The following PKNOX2 variants were observed in gnomAD, a reference collection of about 807,000 sequenced individuals.
PKNOX2 encodes the protein PBX/knotted 1 homeobox 2.
In PKNOX2, 14 loss-of-function variants were observed where a neutral mutation model predicts 53.1. The observed-to-expected ratio is 0.26, with a 90% CI of 0.17 to 0.41. The LOEUF is 0.41. PKNOX2 is among the 10% of genes least tolerant of loss of function. The probability of loss-of-function intolerance (pLI) is 1.00; values close to 1 mark genes in which losing one functional copy is unlikely to be tolerated. For synonymous variants in PKNOX2, 257 were observed against 242.8 expected, an observed-to-expected ratio of 1.06 and a Z score of -0.54; for missense variants, 496 against 602.8, an observed-to-expected ratio of 0.82 and a Z score of 1.85.
At chr11:125,367,501 C>T (rs540591781) in intron 4 of PKNOX2, among the ~76,000 whole-genome samples, 2 of 152,170 alleles carry the variant, frequency 1.3e-5, no homozygotes, top group Non-Finnish European at 2.9e-5. Context: ...ATGGGCCAAA[C>T]GACTCATAAG....
chr11:125,341,709 G>A (rs1591534637), intron 3 of PKNOX2, among the ~76,000 whole-genome samples: 3 of 152,386 alleles, frequency 2.0e-5, no homozygotes, highest in African/African-American at 4.8e-5. Flanking sequence ...TGAAGGGAAC[G>A]GCATGGCTGT....
chr11:125,411,608 A>T (rs1159919771), intron 9 of PKNOX2, 138 bp from the exon 10 acceptor site: 2 of 1,386,308 alleles, frequency 1.4e-6, no homozygotes, highest in South Asian at 2.4e-5. Context: ...GCTGAGAGGG[A>T]AAGGTGACCT....
rs964527804 is a variant in PKNOX2, at chr11:125,269,986, G to A, written c.-130+34871G>A. Among the ~76,000 whole-genome samples, 6 of 152,260 alleles carry A rather than the reference G, an allele frequency of 3.9e-5. No individual in the cohort carries two copies. The East Asian group carries it at 1.2e-3, about 29-fold the overall frequency. ...TTGTGGGCACTGGAGATACAACAGT[G>A]ACTAAGACAAGGAATGAAGATGAAA... On this transcript the variant is annotated intron_variant, in intron 2 of 12. Coordinates refer to ENST00000298282, the MANE Select transcript of PKNOX2 (RefSeq NM_001382323.2).
In PKNOX2 at chr11:125,240,477, G is replaced by T. The variant is rs567825683; in HGVS notation, c.-130+5362G>T. ...TGGGAAGGAGGGATGGGAGGGAGGA[G>T]AGAGAAGAGGTGGAAAGGGAGAGAG... On this transcript the variant is annotated intron_variant, in intron 2 of 12. Coordinates refer to ENST00000298282, the MANE Select transcript of PKNOX2 (RefSeq NM_001382323.2). This position sits in a 1 kb window ranked among gnomAD's most constrained non-coding sequence, Gnocchi z 4.3. Among the ~76,000 whole-genome samples, 1 of 152,242 alleles carries T rather than the reference G, an allele frequency of 6.6e-6. No individual in the cohort carries two copies. The highest frequency in any genetic ancestry group is 6.5e-5 in the Admixed American group (1 of 15,294).
At chr11:125,320,266 CA>C (rs1949445006) in intron 2 of PKNOX2, among the ~76,000 whole-genome samples, 1 of 152,152 alleles carries the variant, frequency 6.6e-6, no homozygotes, top group East Asian at 1.9e-4. Flanking sequence ...CTTGAATTAG[CA>C]CCCCTCCTTT....
chr11:125,240,624 G>A lies in PKNOX2; in HGVS notation c.-130+5509G>A, dbSNP rs978772612. ...AAATGCAGTTCTAAATCCTTGTCCAGCCTGAAAGGATTTCCCTCTTTTTTC... is the reference window on the plus strand; with the variant it reads ...AAATGCAGTTCTAAATCCTTGTCCAACCTGAAAGGATTTCCCTCTTTTTTC... On this transcript the variant is annotated intron_variant, in intron 2 of 12. Coordinates refer to ENST00000298282, the MANE Select transcript of PKNOX2 (RefSeq NM_001382323.2). This position sits in a 1 kb window ranked among gnomAD's most constrained non-coding sequence, Gnocchi z 4.3. Among the ~76,000 whole-genome samples the A allele has an allele frequency of 6.6e-6, 1 of 152,152 alleles. No individual in the cohort carries two copies. Among genetic ancestry groups the A allele is most frequent in the African/African-American group, 2.4e-5 (1 of 41,434 alleles).
At chr11:125,252,583 G>C (rs1363928958) in intron 2 of PKNOX2, among the ~76,000 whole-genome samples, 1 of 152,146 alleles carries the variant, frequency 6.6e-6, no homozygotes, top group Non-Finnish European at 1.5e-5. Flanking sequence ...GGGAGTGGTG[G>C]GAGGTAGAGG....
At chr11:125,202,327 T>C (rs1485903629) in intron 1 of PKNOX2, among the ~76,000 whole-genome samples, 1 of 152,156 alleles carries the variant, frequency 6.6e-6, no homozygotes. Context: ...CAAGGGGCCT[T>C]ATCCCTGATG....
rs915997583 is a variant in PKNOX2 at position 125,424,398 on chromosome 11, C to A, written c.937-4614C>A. 4.6e-5 allele frequency among the ~76,000 whole-genome samples: 7 copies of A among 152,022 alleles called. No individual in the cohort carries two copies. In the East Asian group the frequency reaches 1.4e-3, roughly 29 times the overall value. ...ATCTCTGAAATTGGGTACATCCCAC[C>A]ATCAGTGGCCTCTTAGATGTGATGG... On this transcript the variant is annotated intron_variant, in intron 10 of 12. Transcript: ENST00000298282.
intron 10 of PKNOX2, among the ~76,000 whole-genome samples, chr11:125,427,931 G>C (rs1264246881): frequency 6.6e-6 from 1 of 151,932 alleles, no homozygotes; most frequent in Admixed American, 6.6e-5. Context: ...TCCCAATGGG[G>C]TCACGACTCT....
intron 1 of PKNOX2, among the ~76,000 whole-genome samples, chr11:125,183,181 G>A (rs1178546078): frequency 6.8e-6 from 1 of 148,000 alleles, no homozygotes; most frequent in Non-Finnish European, 1.5e-5. Flanking sequence ...CATGGTGGCT[G>A]TAGCATGCGA....
chr11:125,202,472 C>T (rs1565468196), intron 1 of PKNOX2, among the ~76,000 whole-genome samples: 1 of 152,210 alleles, frequency 6.6e-6, no homozygotes, highest in Non-Finnish European at 1.5e-5. Context: ...GGCTGCACTG[C>T]CATGTGGGTG....
intron 2 of PKNOX2, among the ~76,000 whole-genome samples, chr11:125,294,457 C>T (rs773631385): frequency 2.0e-5 from 3 of 152,140 alleles, no homozygotes; most frequent in Non-Finnish European, 4.4e-5. Flanking sequence ...TGGGAGAAGT[C>T]GGGCTTGGAG....
At chr11:125,196,367 A>G (rs904741136) in intron 1 of PKNOX2, among the ~76,000 whole-genome samples, 1 of 152,120 alleles carries the variant, frequency 6.6e-6, no homozygotes, top group Non-Finnish European at 1.5e-5. Flanking sequence ...ATAGCTTAGG[A>G]TAGGGCCTGA....
chr11:125,223,705 A>G (rs921455427), intron 1 of PKNOX2, among the ~76,000 whole-genome samples: 63 of 152,238 alleles, frequency 4.1e-4, no homozygotes, highest in African/African-American at 1.4e-3. Context: ...GACTTCCAGA[A>G]GATTAAAAAA....
At chr11:125,416,302 CAAAAAAAAAAAAAAAA>C (rs61354494) in intron 10 of PKNOX2, among the ~76,000 whole-genome samples, 1 of 70,458 alleles carries the variant, frequency 1.4e-5, no homozygotes, top group African/African-American at 6.0e-5. Flanking sequence ...GACGCCGTCT[CAAAAAAAAAAAAAAAA>C]AAAAAAAAAG....
chr11:125,284,616 T>C (rs576790110), intron 2 of PKNOX2, among the ~76,000 whole-genome samples: 4 of 152,162 alleles, frequency 2.6e-5, no homozygotes, highest in Non-Finnish European at 5.9e-5. Flanking sequence ...AAGATAATGA[T>C]GGTCTAATCA....
At position 125,189,447 on chromosome 11, in the gene PKNOX2, GTATATATATATATATATA is replaced by G. The variant is rs58968290; in HGVS notation, c.-201+24698_-201+24715del. ...TGTGTGTGTGTGTGTGTGTGTGTGT[GTATATATATATATATATA>G]TATATATATATATATATATATATAT... On this transcript the variant is annotated intron_variant, in intron 1 of 12. Transcript: ENST00000298282. Among the ~76,000 whole-genome samples, 142 of 23,464 alleles carry G rather than the reference GTATATATATATATATATA, an allele frequency of 6.1e-3. 4 individuals carry two copies. In the South Asian group the frequency reaches 0.081, roughly 13 times the overall value. The allele number at this position is 23,464 out of a possible 152,430, so 15.4% of individuals were successfully genotyped here.
intron 2 of PKNOX2, among the ~76,000 whole-genome samples, chr11:125,255,706 T>G: frequency 6.6e-6 from 1 of 150,920 alleles, no homozygotes; most frequent in African/African-American, 2.4e-5. Context: ...AACAGGGTGG[T>G]TGTTGGGAGG....
Sources: allele counts gnomAD v4.1 joint callset (sites outside exome capture counted in the v4.1 genomes callset), GRCh38; gene constraint gnomAD v4.1.1; non-coding constraint Gnocchi (gnomAD v3.1); transcripts MANE v1.5; gene names NCBI Gene and HGNC (gene_info 2026-07-23, HGNC 2026-07-21).